The following TDRP variants were observed in gnomAD, a reference collection of about 807,000 sequenced individuals.
TDRP encodes the protein testis development-related protein.
Under a neutral mutation model 10.5 loss-of-function variants are expected in TDRP, and 12 were observed. The ratio of observed to expected loss-of-function variants is 1.15; its 90% confidence interval spans 0.73 to 1.86. The LOEUF (loss-of-function observed/expected upper bound fraction) is 1.86. Among genes scored for constraint, TDRP ranks in the 40% most tolerant of loss-of-function variants. The probability of loss-of-function intolerance (pLI) is 0.00; values close to 1 mark genes in which losing one functional copy is unlikely to be tolerated. For missense variants in TDRP, 353 were observed against 229.2 expected, an observed-to-expected ratio of 1.54 and a Z score of -3.49; for synonymous variants, 139 against 95.4, an observed-to-expected ratio of 1.46 and a Z score of -2.67.
rs929942903 is a variant in TDRP at position 491,520 on chromosome 8, G to C, written c.*879C>G. ...TACAGATCTAACACCAATCACAATA[G>C]GCATCTCGCTTTGCAAGAACAAACA... On this transcript the variant is annotated 3_prime_UTR_variant, in exon 3 of 3. Coordinates refer to ENST00000324079, the MANE Select transcript of TDRP (RefSeq NM_001384899.1). The C allele has an allele frequency of 2.5e-6, 3 of 1,217,652 alleles. No individual in the cohort carries two copies. Among genetic ancestry groups the C allele is most frequent in the Admixed American group, 2.8e-5 (1 of 35,434 alleles). 75.4% of individuals were successfully genotyped at this position (1,217,652 alleles called of 1,614,324 possible).
At chr8:501,871 A>G (rs1472796874) in intron 1 of TDRP, among the ~76,000 whole-genome samples, 2 of 152,142 alleles carry the variant, frequency 1.3e-5, no homozygotes, top group African/African-American at 4.8e-5. Context: ...CTTTGTGAAG[A>G]TGAGGGGAAC....
intron 2 of TDRP, among the ~76,000 whole-genome samples, chr8:493,887 T>C (rs1187190660): frequency 6.6e-6 from 1 of 152,118 alleles, no homozygotes; most frequent in African/African-American, 2.4e-5. Flanking sequence ...CTAAGTTATT[T>C]TCCACTTTTC....
chr8:544,565 C>T (rs1399802074), intron 1 of TDRP, 85 bp downstream of exon 1: 9 of 964,834 alleles, frequency 9.3e-6, no homozygotes, highest in African/African-American at 1.7e-5. Context: ...CAACTACCCG[C>T]ACCTCCACCT....
At chr8:493,573 C>T (rs1801041564) in intron 2 of TDRP, among the ~76,000 whole-genome samples, 1 of 152,250 alleles carries the variant, frequency 6.6e-6, no homozygotes, top group Admixed American at 6.5e-5. Flanking sequence ...AATCAAACAG[C>T]TTCCATAACA....
intron 1 of TDRP, among the ~76,000 whole-genome samples, chr8:523,949 G>A (rs550867522): frequency 6.6e-5 from 10 of 152,184 alleles, no homozygotes; most frequent in Non-Finnish European, 1.3e-4. Flanking sequence ...GGCCTTTAGC[G>A]AACAAAAGTG....
chr8:527,561 T>A (rs76313513), intron 1 of TDRP, among the ~76,000 whole-genome samples: 1 of 151,894 alleles, frequency 6.6e-6, no homozygotes, highest in Non-Finnish European at 1.5e-5. Flanking sequence ...AAAAGACACA[T>A]AGGCCAATGA....
chr8:523,091 G>A (rs1801948702), intron 1 of TDRP, among the ~76,000 whole-genome samples: 1 of 152,082 alleles, frequency 6.6e-6, no homozygotes, highest in African/African-American at 2.4e-5. Flanking sequence ...TAGTAATTTT[G>A]ACCCTCTTTT....
At position 490,270 on chromosome 8, in the gene TDRP, T is replaced by C. The variant is rs1800931950; in HGVS notation, c.*2129A>G. 1 of 152,244 alleles carries C rather than the reference T, an allele frequency of 6.6e-6. No individual in the cohort carries two copies. Among genetic ancestry groups the C allele is most frequent in the African/African-American group, 2.4e-5 (1 of 41,466 alleles). The allele number at this position is 152,244 out of a possible 1,614,324, so 9.4% of individuals were successfully genotyped here. On this transcript the variant is annotated 3_prime_UTR_variant, in exon 3 of 3. Transcript: ENST00000324079. The stretch of plus-strand genomic sequence containing the variant: ...ATCAGGCACAGAAGAAAAAATCATT[T>C]TTACATTAGTCTTTGTAGATAAGAA...
At chr8:518,002 G>C (rs1261719275) in intron 1 of TDRP, among the ~76,000 whole-genome samples, 1 of 152,180 alleles carries the variant, frequency 6.6e-6, no homozygotes, top group East Asian at 1.9e-4. Flanking sequence ...TAAATCTTAT[G>C]GCAGTGGAAC....
intron 1 of TDRP, among the ~76,000 whole-genome samples, chr8:516,819 T>C (rs563657006): frequency 7.2e-5 from 11 of 152,346 alleles, no homozygotes; most frequent in African/African-American, 2.6e-4. Context: ...TGGATGTTTA[T>C]GGCAGCTTTA....
At chr8:531,221 C>T (rs1021685923) in intron 1 of TDRP, among the ~76,000 whole-genome samples, 2 of 152,018 alleles carry the variant, frequency 1.3e-5, no homozygotes, top group African/African-American at 4.8e-5. Flanking sequence ...TTTGAGCTTG[C>T]CTGGGGTACT....
intron 1 of TDRP, among the ~76,000 whole-genome samples, chr8:528,054 A>G (rs4735858): frequency 0.69 from 105,364 of 152,074 alleles, 36,889 homozygotes; most frequent in African/African-American, 0.74. Context: ...GCTCAAACAC[A>G]TCTATAGGAA....
intron 1 of TDRP, among the ~76,000 whole-genome samples, chr8:506,112 T>A (rs374348446): frequency 1.3e-5 from 2 of 152,310 alleles, no homozygotes; most frequent in East Asian, 3.9e-4. Context: ...TGAACACTAT[T>A]TTTTCAAGAA....
At chr8:532,254 G>C (rs141765132) in intron 1 of TDRP, among the ~76,000 whole-genome samples, 1 of 152,344 alleles carries the variant, frequency 6.6e-6, no homozygotes, top group East Asian at 1.9e-4. Flanking sequence ...CCAGCACTCA[G>C]TCATGAGCCT....
At chr8:513,088 A>G (rs913996446) in intron 1 of TDRP, among the ~76,000 whole-genome samples, 1 of 148,392 alleles carries the variant, frequency 6.7e-6, no homozygotes, top group Non-Finnish European at 1.5e-5. Context: ...TAAAGAATTA[A>G]TACCAATTCT....
chr8:521,244 TCCAAAAA>T (rs1378156795), intron 1 of TDRP, among the ~76,000 whole-genome samples: 61 of 74,522 alleles, frequency 8.2e-4, no homozygotes, highest in Middle Eastern at 9.4e-3. Context: ...CTACTAAAAA[TCCAAAAA>T]AAAAAAAAAA....
chr8:505,179 C>T (rs1164747137), intron 1 of TDRP, among the ~76,000 whole-genome samples: 1 of 152,174 alleles, frequency 6.6e-6, no homozygotes, highest in African/African-American at 2.4e-5. Flanking sequence ...CAAACGGACC[C>T]ACAGACCTAA....
At chr8:543,144 C>T (rs1412018265) in intron 1 of TDRP, among the ~76,000 whole-genome samples, 1 of 151,982 alleles carries the variant, frequency 6.6e-6, no homozygotes, top group Non-Finnish European at 1.5e-5. Context: ...CCCATTTCCA[C>T]AAAAACGGTT....
chr8:531,449 C>T (rs1339689955), intron 1 of TDRP, among the ~76,000 whole-genome samples: 1 of 152,132 alleles, frequency 6.6e-6, no homozygotes. Flanking sequence ...GGAATGACTC[C>T]TTAATCCATA....
Sources: gnomAD v4.1 joint callset for allele counts (sites outside exome capture counted in the v4.1 genomes callset) on GRCh38, gnomAD v4.1.1 for gene constraint, MANE v1.5 for transcripts, NCBI Gene and HGNC (gene_info 2026-07-23, HGNC 2026-07-21) for gene names.